CCDC51: variants seen among roughly 807,000 people sequenced by gnomAD.
CCDC51 encodes the protein mitochondrial potassium channel.
In CCDC51, 25 loss-of-function variants were observed where a neutral mutation model predicts 24.8. The ratio of observed to expected loss-of-function variants is 1.01; its 90% CI spans 0.73 to 1.41. CCDC51 has a LOEUF of 1.41. CCDC51 is among the 40% of genes most tolerant of loss of function. CCDC51 has a pLI of 0.00. For missense variants in CCDC51, 466 were observed against 519.1 expected, an observed-to-expected ratio of 0.90 and a Z score of 0.99; for synonymous variants, 190 against 204.3, an observed-to-expected ratio of 0.93 and a Z score of 0.60.
rs987639492 is a variant in CCDC51 at position 48,433,058 on chromosome 3, T to G, written c.586A>C (p.Arg196=). The G allele has an allele frequency of 1.2e-6, 2 of 1,614,062 alleles. No individual in the cohort carries two copies. The highest frequency in any genetic ancestry group is 1.7e-6 in the Non-Finnish European group (2 of 1,180,042). The change falls in exon 4 of 4, where the codon AGG becomes CGG. Residue 196 remains arginine (R), a synonymous_variant. Transcript: ENST00000395694. This position sits in a 1 kb window ranked among gnomAD's most constrained non-coding sequence, Gnocchi z 4.4. ...VRESHEKERT[R]AERTKNWSLI... is the part of the protein sequence containing the mutation. ...GACCAGTTCTTGGTCCTCTCAGCCC[T>G]TGTGCGCTCCTTCTCATGACTTTCC...
At position 48,437,450 on chromosome 3, in the gene CCDC51, GAGA is replaced by G. The variant is rs2039390410; in HGVS notation, c.-8-2317_-8-2315del. On this transcript the variant is annotated intron_variant, in intron 1 of 3. Transcript: ENST00000395694. The surrounding 1 kb of genome is among the most constrained non-coding windows in gnomAD (Gnocchi z 4.2). ...TTTCACAGGCCCCCCAACCAGCAAGGAGAAGAATGTTCCTGGCAAAGAGAAAAG... is the reference window on the plus strand; with the variant it reads ...TTTCACAGGCCCCCCAACCAGCAAGGAGAATGTTCCTGGCAAAGAGAAAAG... Among the ~76,000 whole-genome samples the G allele has an allele frequency of 6.6e-6, 1 of 152,046 alleles. No homozygotes were observed. Among genetic ancestry groups the G allele is most frequent in the Non-Finnish European group, 1.5e-5 (1 of 68,032 alleles).
chr3:48,441,499 TC>T (rs141477856), upstream of CCDC51, among the ~76,000 whole-genome samples: 9 of 151,248 alleles, frequency 6.0e-5, no homozygotes, highest in African/African-American at 2.2e-4. Flanking sequence ...TTTTTTTTTT[TC>T]GTACTGCTTA....
At chr3:48,442,678 C>T (rs1400474515), upstream of CCDC51, among the ~76,000 whole-genome samples, 3 of 151,912 alleles carry the variant, frequency 2.0e-5, no homozygotes, top group South Asian at 2.1e-4. Flanking sequence ...TCTCGATCTC[C>T]TGACCTCGTG....
chr3:48,435,500 C>T lies in CCDC51; in HGVS notation c.-8-364G>A, dbSNP rs1378494170. 6.6e-6 allele frequency among the ~76,000 whole-genome samples: 1 copy of T among 152,192 alleles called. No individual in the cohort carries two copies. Among genetic ancestry groups the T allele is most frequent in the South Asian group, 2.1e-4 (1 of 4,836 alleles). On this transcript the variant is annotated intron_variant, in intron 1 of 3. Transcript: ENST00000395694. This position sits in a 1 kb window ranked among gnomAD's most constrained non-coding sequence, Gnocchi z 4.2. ...GTGCCCAGGTTTCTGATGTCAAAGA[C>T]AGTTTTTAAACCAGACTTGTACACA...
upstream of CCDC51, chr3:48,440,235 C>A: frequency 6.4e-7 from 1 of 1,552,486 alleles, no homozygotes; most frequent in Non-Finnish European, 8.7e-7. Flanking sequence ...CTGTCTACGA[C>A]AAAGGGTGGG....
upstream of CCDC51, chr3:48,443,970 G>A (rs1212346096): frequency 3.0e-5 from 29 of 962,796 alleles, no homozygotes; most frequent in Middle Eastern, 3.0e-4. Context: ...CTTTTGCCAC[G>A]TATAGCTGGA....
Position 48,435,147 on chromosome 3 carries a change from G to A in CCDC51, c.-8-11C>T. 2 of 1,553,118 alleles carry A rather than the reference G, an allele frequency of 1.3e-6. No homozygotes were observed. Among genetic ancestry groups the A allele is most frequent in the African/African-American group, 1.4e-5 (1 of 73,394 alleles). On this transcript the variant is annotated splice_polypyrimidine_tract_variant and intron_variant, in intron 1 of 3. Coordinates refer to ENST00000395694, the MANE Select transcript of CCDC51 (RefSeq NM_001256964.2). This position sits in a 1 kb window ranked among gnomAD's most constrained non-coding sequence, Gnocchi z 4.2. ...CCATCATCCTGAGATCTGTGAGGGG[G>A]ACGCCAGACAGGTCAGCTCACAGCT...
chr3:48,445,550 G>A, the CCDC51 span, among the ~76,000 whole-genome samples: 1 of 152,192 alleles, frequency 6.6e-6, no homozygotes, highest in Non-Finnish European at 1.5e-5. Context: ...AAGTTACTTG[G>A]TGGAACCTAT....
At chr3:48,436,355 T>C (rs1393868496) in intron 1 of CCDC51, among the ~76,000 whole-genome samples, 3 of 152,240 alleles carry the variant, frequency 2.0e-5, no homozygotes, top group African/African-American at 7.2e-5. Flanking sequence ...CATCATGCTG[T>C]GCTAAGAACT....
At chr3:48,440,431 C>T (rs375769495), upstream of CCDC51, 103 of 1,612,566 alleles carry the variant, frequency 6.4e-5, 1 homozygote, top group Middle Eastern at 3.4e-4. Context: ...TGAAACAGCC[C>T]AAGAAGCAGG....
Position 48,435,940 on chromosome 3 carries a change from G to A in CCDC51, c.-8-804C>T, listed in dbSNP as rs577641553. On this transcript the variant is annotated intron_variant, in intron 1 of 3. Coordinates refer to ENST00000395694, the MANE Select transcript of CCDC51 (RefSeq NM_001256964.2). This position sits in a 1 kb window ranked among gnomAD's most constrained non-coding sequence, Gnocchi z 4.2. ...CAACCTGCCATTGCTCAACAGGTTAGGTTTCTCTCATCTTTCCCTTTTCCA... is the reference window on the plus strand; with the variant it reads ...CAACCTGCCATTGCTCAACAGGTTAAGTTTCTCTCATCTTTCCCTTTTCCA... Among the ~76,000 whole-genome samples, 2 of 152,278 alleles carry A rather than the reference G, an allele frequency of 1.3e-5. No individual in the cohort carries two copies. The highest frequency in any genetic ancestry group is 4.8e-5 in the African/African-American group (2 of 41,562).
upstream of CCDC51, chr3:48,443,879 G>A (rs756598367): frequency 6.4e-7 from 1 of 1,558,072 alleles, no homozygotes; most frequent in East Asian, 2.4e-5. Context: ...CTGGCAAAAA[G>A]TAAGCTGTTC....
upstream of CCDC51, chr3:48,440,696 GGCATGTCT>G (rs1169153613): frequency 7.0e-6 from 10 of 1,437,604 alleles, no homozygotes; most frequent in African/African-American, 1.1e-4. Flanking sequence ...TGAGGGCGCG[GGCATGTCT>G]TTTTCCTGCC....
rs776627148 is a variant in CCDC51, at chr3:48,434,911, T to A, written c.218A>T (p.Gln73Leu). 2 of 1,614,258 alleles carry A rather than the reference T, an allele frequency of 1.2e-6. No individual in the cohort carries two copies. The highest frequency in any genetic ancestry group is 8.5e-7 in the Non-Finnish European group (1 of 1,180,042). ...AGTCTTGGCTGTGGAGGTCGCTCGT[T>A]GCTGAATGCTGTGCCCCAGGGCTCT... ...LGRALGHSIQ[Q>L]RATSTAKTWW... Residue 73 changes from glutamine (Q) to leucine (L), a missense_variant, in exon 2 of 4, where the codon CAA becomes CTA. Transcript: ENST00000395694.
chr3:48,440,741 G>A (rs552118372), upstream of CCDC51: 76 of 929,372 alleles, frequency 8.2e-5, no homozygotes, highest in African/African-American at 1.1e-3. Context: ...CTCGTTTTCC[G>A]ACGTCCGCTG....
In CCDC51 at chr3:48,435,253, G is replaced by T; in HGVS notation, c.-8-117C>A. ...AATCCCCACTCAAATCATCTAAACT[G>T]AGCACCACCCTGTTGGGCCCAGAGA... On this transcript the variant is annotated intron_variant, in intron 1 of 3. Coordinates refer to ENST00000395694, the MANE Select transcript of CCDC51 (RefSeq NM_001256964.2). The surrounding 1 kb of genome is among the most constrained non-coding windows in gnomAD (Gnocchi z 4.2). 1.2e-6 allele frequency: 1 copy of T among 825,340 alleles called. No individual in the cohort carries two copies. Among genetic ancestry groups the T allele is most frequent in the Non-Finnish European group, 1.8e-6 (1 of 548,448 alleles). 51.1% of individuals were successfully genotyped at this position (825,340 alleles called of 1,614,324 possible).
At chr3:48,434,326 C>T (rs1051723529) in intron 2 of CCDC51, among the ~76,000 whole-genome samples, 3 of 152,110 alleles carry the variant, frequency 2.0e-5, no homozygotes, top group Admixed American at 6.5e-5. Context: ...CCAGCTGAAC[C>T]CCAGGTTCTT....
the CCDC51 span, among the ~76,000 whole-genome samples, chr3:48,445,921 T>A: frequency 6.6e-6 from 1 of 152,156 alleles, no homozygotes; most frequent in Admixed American, 6.5e-5. Context: ...TTGCTGCTCC[T>A]TTGTGAAGCT....
At chr3:48,444,685 A>G (rs1700983741), upstream of CCDC51, among the ~76,000 whole-genome samples, 5 of 152,262 alleles carry the variant, frequency 3.3e-5, no homozygotes. Flanking sequence ...ATATGCAGGC[A>G]CTGGGGTATG....
Sources: allele counts gnomAD v4.1 joint callset (sites outside exome capture counted in the v4.1 genomes callset), GRCh38; gene constraint gnomAD v4.1.1; non-coding constraint Gnocchi (gnomAD v3.1); transcripts MANE v1.5; gene names NCBI Gene and HGNC (gene_info 2026-07-23, HGNC 2026-07-21).